The following DNAH10 variants were observed in gnomAD, a reference collection of about 807,000 sequenced individuals.
DNAH10 encodes axonemal beta dynein heavy chain 10.
Under a neutral mutation model 506.6 loss-of-function variants are expected in DNAH10, and 348 were observed. That is an observed-to-expected ratio of 0.69 (90% CI 0.63 to 0.75). DNAH10 has a LOEUF of 0.75. Among genes scored for constraint, DNAH10 ranks in the 30% least tolerant of loss-of-function variants. The pLI is 0.00. For missense variants in DNAH10, 5,179 were observed against 5,787.1 expected, an observed-to-expected ratio of 0.89 and a Z score of 3.41; for synonymous variants, 2,059 against 2,198.6, an observed-to-expected ratio of 0.94 and a Z score of 1.78.
Position 123,928,845 on chromosome 12 carries a change from T to A in DNAH10, c.12306+258T>A. Reference sequence around the variant, plus strand: ...CTAACAATATCTACGCTACTTTTCATAAACTTCACGGCCCCCCCCCCCACA... The same window carrying A: ...CTAACAATATCTACGCTACTTTTCAAAAACTTCACGGCCCCCCCCCCCACA... On this transcript the variant is annotated intron_variant, in intron 70 of 78. Transcript: ENST00000673944. This position sits in a 1 kb window ranked among gnomAD's most constrained non-coding sequence, Gnocchi z 4.9. 1 of 509,354 alleles carries A rather than the reference T, an allele frequency of 2.0e-6. No individual in the cohort carries two copies. Among genetic ancestry groups the A allele is most frequent in the African/African-American group, 2.3e-5 (1 of 42,710 alleles). 31.6% of individuals were successfully genotyped at this position (509,354 alleles called of 1,614,324 possible). A position where few individuals can be genotyped will look rare whatever the true frequency, so the allele number is the denominator to read the frequency against.
intron 30 of DNAH10, among the ~76,000 whole-genome samples, chr12:123,842,072 CT>C (rs980983642): frequency 6.6e-6 from 1 of 152,188 alleles, no homozygotes; most frequent in Non-Finnish European, 1.5e-5. Flanking sequence ...AGTGTGCCCC[CT>C]GGTGGCAGCA....
intron 36 of DNAH10, among the ~76,000 whole-genome samples, chr12:123,854,699 T>A (rs1951320863): frequency 6.6e-6 from 1 of 152,220 alleles, no homozygotes; most frequent in African/African-American, 2.4e-5. Context: ...TTTCTTCACA[T>A]AGGAAATTAA....
Position 123,925,356 on chromosome 12 carries a change from ATTC to A in DNAH10, c.11921+156_11921+158del. On this transcript the variant is annotated intron_variant, in intron 68 of 78. Transcript: ENST00000673944. The surrounding 1 kb of genome is among the most constrained non-coding windows in gnomAD (Gnocchi z 4.0). The stretch of plus-strand genomic sequence containing the variant: ...AATATTCGATAGCCGATATTCTAGA[ATTC>A]TTCAATATTCTAGAACAGTGCTAGT... 1 of 1,028,668 alleles carries A rather than the reference ATTC, an allele frequency of 9.7e-7. No individual in the cohort carries two copies. The highest frequency in any genetic ancestry group is 2.6e-5 in the East Asian group (1 of 38,470). The allele number at this position is 1,028,668 out of a possible 1,614,324, so 63.7% of individuals were successfully genotyped here. A position where few individuals can be genotyped will look rare whatever the true frequency, so the allele number is the denominator to read the frequency against.
chr12:123,883,216 T>C (rs777236920), intron 51 of DNAH10, among the ~76,000 whole-genome samples: 25 of 152,266 alleles, frequency 1.6e-4, no homozygotes, highest in Non-Finnish European at 2.9e-4. Context: ...TGCATTGCTC[T>C]TGAGTATGCT....
Position 123,845,780 on chromosome 12 carries a change from G to T in DNAH10, c.5541G>T (p.Pro1847=), listed in dbSNP as rs372401172. The T allele has an allele frequency of 5.0e-6, 8 of 1,613,970 alleles. No individual in the cohort carries two copies. The highest frequency in any genetic ancestry group is 5.9e-6 in the Non-Finnish European group (7 of 1,179,876). The change falls in exon 31 of 79, where the codon CCG becomes CCT. Residue 1847 remains proline, a synonymous_variant. Coordinates refer to ENST00000673944, the MANE Select transcript of DNAH10 (RefSeq NM_001372106.1). ...IDELVTRITM[P]LSKNDRKKYN... is the part of the protein sequence containing the mutation. ...AGTTGGTAACGCGCATCACCATGCCGCTAAGCAAAAACGACAGGAAAAAAT... is the reference window on the plus strand; with the variant it reads ...AGTTGGTAACGCGCATCACCATGCCTCTAAGCAAAAACGACAGGAAAAAAT...
intron 26 of DNAH10, 73 bp downstream of exon 26, chr12:123,830,772 A>C: frequency 4.3e-6 from 6 of 1,379,896 alleles, no homozygotes; most frequent in Middle Eastern, 1.9e-4. Flanking sequence ...GGGAGAACTC[A>C]TCTATACTAA....
Position 123,836,944 on chromosome 12 carries a change from C to G in DNAH10, c.4902+1416C>G, listed in dbSNP as rs1594150738. ...CTTGACTCTCTGTAAGCTCCACATC[C>G]TGGGTTCCGGCTGTTCTCCTGCCTC... On this transcript the variant is annotated intron_variant, in intron 28 of 78. Coordinates refer to ENST00000673944, the MANE Select transcript of DNAH10 (RefSeq NM_001372106.1). 2.9e-5 allele frequency among the ~76,000 whole-genome samples: 4 copies of G among 136,522 alleles called. No homozygotes were observed. The South Asian group carries it at 9.0e-4, about 31-fold the overall frequency. 89.6% of individuals were successfully genotyped at this position (136,522 alleles called of 152,430 possible). A position where few individuals can be genotyped will look rare whatever the true frequency, so the allele number is the denominator to read the frequency against.
At chr12:123,894,602 C>T (rs1380670625) in intron 53 of DNAH10, 41 bp from the exon 54 acceptor site, 1 of 1,586,928 alleles carries the variant, frequency 6.3e-7, no homozygotes. Context: ...GCCACATTGC[C>T]CAGGCTGGGA....
At chr12:123,793,525 A>C (rs893192328) in intron 11 of DNAH10, among the ~76,000 whole-genome samples, 5 of 151,976 alleles carry the variant, frequency 3.3e-5, no homozygotes, top group Non-Finnish European at 7.4e-5. Context: ...TTGTTAGTAG[A>C]GACGGGGTTT....
chr12:123,786,506 A>G (rs984864452), intron 9 of DNAH10, among the ~76,000 whole-genome samples: 2 of 151,906 alleles, frequency 1.3e-5, no homozygotes, highest in Non-Finnish European at 2.9e-5. Flanking sequence ...TGTCTTTTGC[A>G]TATAAATGGA....
intron 43 of DNAH10, among the ~76,000 whole-genome samples, chr12:123,868,762 C>G (rs1951910600): frequency 6.6e-6 from 1 of 152,174 alleles, no homozygotes; most frequent in African/African-American, 2.4e-5. Context: ...TACTCCTTAC[C>G]TGGTGGTCTT....
chr12:123,777,561 A>C (rs34535130), intron 5 of DNAH10, among the ~76,000 whole-genome samples: 112,308 of 152,218 alleles, frequency 0.74, 42,093 homozygotes, highest in East Asian at 1. Context: ...CCTGAAGACA[A>C]CCTCCTTCAT....
At chr12:123,812,942 A>G (rs988733254) in intron 19 of DNAH10, among the ~76,000 whole-genome samples, 3 of 152,126 alleles carry the variant, frequency 2.0e-5, no homozygotes, top group African/African-American at 7.2e-5. Flanking sequence ...GCCCCTTTCC[A>G]TTGGTCAAGT....
intron 5 of DNAH10, among the ~76,000 whole-genome samples, chr12:123,778,551 C>T (rs1371630461): frequency 6.6e-6 from 1 of 151,942 alleles, no homozygotes; most frequent in Non-Finnish European, 1.5e-5. Context: ...CAAAAATTAG[C>T]TGGGCATGGT....
intron 58 of DNAH10, 64 bp from the exon 59 acceptor site, chr12:123,910,472 G>A: frequency 6.4e-7 from 1 of 1,572,208 alleles, no homozygotes; most frequent in Non-Finnish European, 8.6e-7. Flanking sequence ...TGCTTATTTT[G>A]TCTATTTTAT....
chr12:123,789,290 G>A (rs762707449), intron 10 of DNAH10, among the ~76,000 whole-genome samples: 1 of 152,066 alleles, frequency 6.6e-6, no homozygotes, highest in Non-Finnish European at 1.5e-5. Flanking sequence ...AATCACCGTA[G>A]CTAGTGTGTG....
At position 123,916,765 on chromosome 12, in the gene DNAH10, A is replaced by AT; in HGVS notation, c.11002+31dup. ...AGAATGTGTAGAACCTCCACTGCTA[A>AT]TTCAGATGGTTATGAGGGAGACCGC... On this transcript the variant is annotated intron_variant, in intron 63 of 78. Transcript: ENST00000673944. The surrounding 1 kb of genome is among the most constrained non-coding windows in gnomAD (Gnocchi z 4.6). The AT allele has an allele frequency of 6.3e-7, 1 of 1,580,434 alleles. No individual in the cohort carries two copies. Among genetic ancestry groups the AT allele is most frequent in the Non-Finnish European group, 8.6e-7 (1 of 1,163,598 alleles).
At chr12:123,793,618 G>T (rs1040717993) in intron 11 of DNAH10, among the ~76,000 whole-genome samples, 3 of 152,190 alleles carry the variant, frequency 2.0e-5, no homozygotes. Context: ...GATTACAGGT[G>T]TGAGGCACTG....
Position 123,841,447 on chromosome 12 carries a change from C to T in DNAH10, c.5262C>T (p.Arg1754=), listed in dbSNP as rs766686389. Residue 1754 remains arginine (R), a synonymous_variant, in exon 30 of 79, where the codon CGC becomes CGT. Transcript: ENST00000673944. ...GGAAGATCTTGCGGGCTGAAGGGCG[C>T]GTGGAGGACTGGATGACGGCAGTTT... ...EFRKILRAEG[R]VEDWMTAVLN... is the part of the protein sequence containing the mutation. 18 of 1,613,756 alleles carry T rather than the reference C, an allele frequency of 1.1e-5. No individual in the cohort carries two copies. The highest frequency in any genetic ancestry group is 3.3e-5 in the Admixed American group (2 of 59,996).
Sources: gnomAD v4.1 joint callset for allele counts (sites outside exome capture counted in the v4.1 genomes callset) on GRCh38, gnomAD v4.1.1 for gene constraint, Gnocchi (gnomAD v3.1) non-coding constraint, MANE v1.5 for transcripts, NCBI Gene and HGNC (gene_info 2026-07-23, HGNC 2026-07-21) for gene names.